The following CNTNAP5 variants were observed in gnomAD, a reference collection of about 807,000 sequenced individuals.
CNTNAP5 encodes the protein contactin associated protein family member 5.
CNTNAP5 carries 72 observed loss-of-function variants against 150.2 expected under a neutral mutation model. The observed-to-expected ratio is 0.48, with a 90% CI of 0.40 to 0.58. The LOEUF (loss-of-function observed/expected upper bound fraction) is 0.58, where lower values mean the gene tolerates loss of function less well. CNTNAP5 is among the 20% of genes least tolerant of loss of function. The pLI is 0.00. For missense variants in CNTNAP5, 1,636 were observed against 1,626.2 expected, an observed-to-expected ratio of 1.01 and a Z score of -0.10; for synonymous variants, 672 against 619.8, an observed-to-expected ratio of 1.08 and a Z score of -1.25.
At chr2:124,822,928 G>A (rs1026985729) in intron 19 of CNTNAP5, among the ~76,000 whole-genome samples, 1 of 152,200 alleles carries the variant, frequency 6.6e-6, no homozygotes, top group Non-Finnish European at 1.5e-5. Context: ...TATTTCCCGA[G>A]TCCCAACTCT....
Position 124,637,426 on chromosome 2 carries a change from C to T in CNTNAP5, c.1877-10332C>T, listed in dbSNP as rs1272629827. ...TGGCCAGAAAGTCTCATGAACAATGCTTGCCTTTTTAGTGCAGCCCGTGAG... is the reference window on the plus strand; with the variant it reads ...TGGCCAGAAAGTCTCATGAACAATGTTTGCCTTTTTAGTGCAGCCCGTGAG... On this transcript the variant is annotated intron_variant, in intron 12 of 23. Coordinates refer to ENST00000682447, the MANE Select transcript of CNTNAP5 (RefSeq NM_001367498.1). Among the ~76,000 whole-genome samples, 3 of 152,158 alleles carry T rather than the reference C, an allele frequency of 2.0e-5. No individual in the cohort carries two copies. In the East Asian group the frequency reaches 5.8e-4, roughly 29 times the overall value.
At chr2:124,724,951 G>A (rs1680125707) in intron 13 of CNTNAP5, among the ~76,000 whole-genome samples, 1 of 135,632 alleles carries the variant, frequency 7.4e-6, no homozygotes, top group Admixed American at 7.7e-5. Flanking sequence ...TTTTAAAGGA[G>A]ATTCCACTAT....
chr2:124,843,674 AT>A (rs1195183160), intron 19 of CNTNAP5, among the ~76,000 whole-genome samples: 3 of 151,900 alleles, frequency 2.0e-5, no homozygotes, highest in Admixed American at 6.6e-5. Flanking sequence ...AACAGCTATA[AT>A]TTTTTGATGT....
At position 124,785,006 on chromosome 2, in the gene CNTNAP5, C is replaced by T. The variant is rs542647836; in HGVS notation, c.2753-4896C>T. 2.2e-5 allele frequency among the ~76,000 whole-genome samples: 3 copies of T among 137,306 alleles called. No homozygotes were observed. In the South Asian group the frequency reaches 6.9e-4, roughly 31 times the overall value. 90.1% of individuals were successfully genotyped at this position (137,306 alleles called of 152,430 possible). On this transcript the variant is annotated intron_variant, in intron 17 of 23. Transcript: ENST00000682447. ...ATTGTTTTTAGAACCAGAGGCATTG[C>T]TCTGGTCCTCAAAGAGCTCAGAGAT...
At chr2:124,865,569 C>A in intron 20 of CNTNAP5, 133 bp downstream of exon 20, 2 of 778,532 alleles carry the variant, frequency 2.6e-6, no homozygotes, top group South Asian at 1.9e-5. Context: ...TGCCCCCAGA[C>A]TTGGAAGAAC....
intron 13 of CNTNAP5, among the ~76,000 whole-genome samples, chr2:124,648,471 T>G (rs960360729): frequency 1.3e-5 from 2 of 152,140 alleles, no homozygotes; most frequent in African/African-American, 4.8e-5. Flanking sequence ...GTTCATGGCA[T>G]GAACGGAGCC....
chr2:124,183,583 A>G (rs994401554), intron 1 of CNTNAP5, among the ~76,000 whole-genome samples: 39 of 152,354 alleles, frequency 2.6e-4, no homozygotes, highest in African/African-American at 9.1e-4. Flanking sequence ...CCAATCGAAC[A>G]GTAAACTACA....
At chr2:124,048,381 T>C (rs1301331753) in intron 1 of CNTNAP5, among the ~76,000 whole-genome samples, 1 of 152,216 alleles carries the variant, frequency 6.6e-6, no homozygotes, top group Non-Finnish European at 1.5e-5. Flanking sequence ...AATACTGATA[T>C]GCCATTTAAT....
chr2:124,198,605 T>C (rs1685646406), intron 1 of CNTNAP5, among the ~76,000 whole-genome samples: 1 of 152,144 alleles, frequency 6.6e-6, no homozygotes, highest in African/African-American at 2.4e-5. Flanking sequence ...CGTCTATTGT[T>C]CCCATCTTTT....
chr2:124,181,492 C>G (rs1163900271), intron 1 of CNTNAP5, among the ~76,000 whole-genome samples: 1 of 151,694 alleles, frequency 6.6e-6, no homozygotes, highest in Non-Finnish European at 1.5e-5. Context: ...TTCTTTCTTT[C>G]TAGCTAGCTG....
At chr2:124,621,006 G>GC (rs1677603768) in intron 12 of CNTNAP5, among the ~76,000 whole-genome samples, 1 of 152,076 alleles carries the variant, frequency 6.6e-6, no homozygotes, top group African/African-American at 2.4e-5. Context: ...TTGGAGCCTG[G>GC]AGAGAGCATT....
rs1223977337 is a variant in CNTNAP5, at chr2:124,218,056, C to A, written c.83-3649C>A. Among the ~76,000 whole-genome samples the A allele has an allele frequency of 2.0e-5, 3 of 152,150 alleles. No individual in the cohort carries two copies. In the South Asian group the frequency reaches 6.2e-4, roughly 31 times the overall value. The stretch of plus-strand genomic sequence containing the variant: ...ACAAAACAAACAAGTTTATTGTTCT[C>A]ATTTATGCTAGATCATTCTTCCTTT... On this transcript the variant is annotated intron_variant, in intron 1 of 23. Transcript: ENST00000682447.
intron 3 of CNTNAP5, among the ~76,000 whole-genome samples, chr2:124,288,000 G>A (rs551511342): frequency 6.6e-6 from 1 of 152,108 alleles, no homozygotes; most frequent in African/African-American, 2.4e-5. Context: ...CGCAACCTTG[G>A]CTCACTGCAG....
chr2:124,902,905 GT>G lies in CNTNAP5; in HGVS notation c.3462del (p.Ala1155LeufsTer20), dbSNP rs1558819925. The G allele has an allele frequency of 6.2e-7, 1 of 1,609,512 alleles. No homozygotes were observed. Among genetic ancestry groups the G allele is most frequent in the Non-Finnish European group, 8.5e-7 (1 of 1,176,702 alleles). On this transcript the variant is annotated frameshift_variant, in exon 22 of 24. Transcript: ENST00000682447. LOFTEE classifies it high-confidence loss of function. ...AGAGAATCTTGGTTTGGATTCTGAA[GT>G]TGCTAAAGCAAATGCCATGGGTTTT... is the stretch of plus-strand genomic sequence containing the variant. Reference protein sequence around the residue: ...VTENLGLDSEVAKANAMGFAG... With the variant: ...VTENLGLDSEXAKANAMGFAG...
intron 22 of CNTNAP5, 85 bp from the exon 23 acceptor site, chr2:124,911,382 G>A (rs1678651682): frequency 4.3e-6 from 4 of 927,892 alleles, no homozygotes; most frequent in Non-Finnish European, 6.9e-6. Context: ...ATGCACAGGT[G>A]TGTCATTCCA....
intron 6 of CNTNAP5, among the ~76,000 whole-genome samples, chr2:124,467,771 G>C (rs1221861675): frequency 6.6e-6 from 1 of 151,706 alleles, no homozygotes; most frequent in Non-Finnish European, 1.5e-5. Context: ...TCTAAATCAG[G>C]GTGCAAATTC....
At chr2:124,250,512 A>T (rs1687146031) in intron 3 of CNTNAP5, among the ~76,000 whole-genome samples, 1 of 152,168 alleles carries the variant, frequency 6.6e-6, no homozygotes, top group South Asian at 2.1e-4. Context: ...AAAAGCAAAC[A>T]GTAAGTCAGT....
At chr2:124,179,673 A>G (rs1331719525) in intron 1 of CNTNAP5, among the ~76,000 whole-genome samples, 1 of 152,194 alleles carries the variant, frequency 6.6e-6, no homozygotes, top group East Asian at 1.9e-4. Context: ...ATTATATGAA[A>G]TGTCAGTCTG....
chr2:124,432,132 G>A (rs1692406383), intron 4 of CNTNAP5, among the ~76,000 whole-genome samples: 1 of 152,154 alleles, frequency 6.6e-6, no homozygotes, highest in Admixed American at 6.5e-5. Context: ...AAAAACAGAG[G>A]GGTGTACCCA....
Sources: gnomAD v4.1 joint callset for allele counts (sites outside exome capture counted in the v4.1 genomes callset) on GRCh38, gnomAD v4.1.1 for gene constraint, MANE v1.5 for transcripts, NCBI Gene and HGNC (gene_info 2026-07-23, HGNC 2026-07-21) for gene names.